ZNF142: variants seen among roughly 807,000 people sequenced by gnomAD.
The protein encoded by ZNF142 is zinc finger protein 142, also known as zinc finger protein 142 (clone pHZ-49).
ZNF142 carries 96 observed loss-of-function variants against 132.1 expected under a neutral mutation model. That is an observed-to-expected ratio of 0.73 (90% CI 0.62 to 0.86). ZNF142 has a LOEUF of 0.86. ZNF142 is among the 40% of genes least tolerant of loss of function. ZNF142 has a pLI of 0.00. For missense variants in ZNF142, 2,163 were observed against 2,336.2 expected, an observed-to-expected ratio of 0.93 and a Z score of 1.53; for synonymous variants, 842 against 890.1, an observed-to-expected ratio of 0.95 and a Z score of 0.96.
chr2:218,636,809 C>T lies in ZNF142; in HGVS notation c.*1530G>A. ...ATAAGCCTTTGGTATCTTTCCTGCCCTTTTCCTTTGTGTACTCTATACTGG... is the reference window on the plus strand; with the variant it reads ...ATAAGCCTTTGGTATCTTTCCTGCCTTTTTCCTTTGTGTACTCTATACTGG... On this transcript the variant is annotated 3_prime_UTR_variant, in exon 11 of 11. Coordinates refer to ENST00000411696, the MANE Select transcript of ZNF142 (RefSeq NM_001379659.1). 1.7e-6 allele frequency: 1 copy of T among 605,476 alleles called. No individual in the cohort carries two copies. The highest frequency in any genetic ancestry group is 2.3e-5 in the Admixed American group (1 of 43,708). 37.5% of individuals were successfully genotyped at this position (605,476 alleles called of 1,614,324 possible). A position where few individuals can be genotyped will look rare whatever the true frequency, so the allele number is the denominator to read the frequency against.
chr2:218,640,779 G>GC lies in ZNF142; in HGVS notation c.5089-11dup, dbSNP rs1697118245. 1 of 1,612,408 alleles carries GC rather than the reference G, an allele frequency of 6.2e-7. No individual in the cohort carries two copies. The highest frequency in any genetic ancestry group is 1.3e-5 in the African/African-American group (1 of 74,892). The stretch of plus-strand genomic sequence containing the variant: ...GGATCCGCATGTGGTACTGGAAGAG[G>GC]CAAGAGCAAAAAGCAGAAAATATAG... On this transcript the variant is annotated splice_polypyrimidine_tract_variant and intron_variant, in intron 9 of 10. Transcript: ENST00000411696.
In ZNF142 at chr2:218,636,418, C is replaced by A; in HGVS notation, c.*1921G>T. ...GTGAGCCAGCCCCTTTGGCCCCTGG[C>A]CAATACCCCAGCTCTGGCTGCCTTC... is the stretch of plus-strand genomic sequence containing the variant. On this transcript the variant is annotated 3_prime_UTR_variant, in exon 11 of 11. Transcript: ENST00000411696. 2 of 1,614,006 alleles carry A rather than the reference C, an allele frequency of 1.2e-6. No homozygotes were observed. Among genetic ancestry groups the A allele is most frequent in the Non-Finnish European group, 8.5e-7 (1 of 1,179,870 alleles).
Position 218,636,513 on chromosome 2 carries a change from T to C in ZNF142, c.*1826A>G. On this transcript the variant is annotated 3_prime_UTR_variant, in exon 11 of 11. Transcript: ENST00000411696. ...CTGCTGTCCAAAGATGGCATCAGCC[T>C]CCGCCCAGCTTCCATCTTTGTGTAT... The C allele has an allele frequency of 6.2e-7, 1 of 1,613,980 alleles. No individual in the cohort carries two copies. The highest frequency in any genetic ancestry group is 1.1e-5 in the South Asian group (1 of 91,074).
chr2:218,638,542 A>G lies in ZNF142; in HGVS notation c.5461T>C (p.Phe1821Leu). 1 of 1,610,716 alleles carries G rather than the reference A, an allele frequency of 6.2e-7. No homozygotes were observed. The highest frequency in any genetic ancestry group is 8.5e-7 in the Non-Finnish European group (1 of 1,177,450). Residue 1821 changes from phenylalanine (F) to leucine (L), a missense_variant, in exon 11 of 11, where the codon TTC becomes CTC. This residue lies in a region of ZNF142 where 325 missense variants were observed against 367.8 expected (regional missense o/e 0.88). Transcript: ENST00000411696. ...TTGTAGTTGCAGAGGCGGCAAAAGA[A>G]GGGGTGGCGGTCGGTGTGGGTGAGG... Reference protein sequence around the residue: ...HALTHTDRHPFFCRLCNYKAK... With the variant: ...HALTHTDRHPLFCRLCNYKAK...
chr2:218,655,627 C>T (rs1202568359), intron 4 of ZNF142, among the ~76,000 whole-genome samples: 1 of 152,102 alleles, frequency 6.6e-6, no homozygotes, highest in African/African-American at 2.4e-5. Context: ...GTAGCTGAGA[C>T]TACAGGTGCA....
intron 10 of ZNF142, among the ~76,000 whole-genome samples, chr2:218,639,578 A>C (rs1346678566): frequency 1.3e-5 from 2 of 152,076 alleles, no homozygotes; most frequent in African/African-American, 2.4e-5. Flanking sequence ...CTGTCTACAA[A>C]AAAATTAGGT....
chr2:218,649,572 A>T, intron 6 of ZNF142, 113 bp from the exon 7 acceptor site: 2 of 1,026,044 alleles, frequency 1.9e-6, no homozygotes. Flanking sequence ...CTCTGCAGGA[A>T]ACCAAGCAAA....
Position 218,634,643 on chromosome 2 carries a change from T to TA in ZNF142, c.*3695dup. 1 of 1,611,598 alleles carries TA rather than the reference T, an allele frequency of 6.2e-7. No individual in the cohort carries two copies. The highest frequency in any genetic ancestry group is 1.3e-5 in the African/African-American group (1 of 74,866). ...TCTCTTAATCCAGGTACAGTGGAAA[T>TA]AAACTGTTGGGAAGAAACTGAGATA... On this transcript the variant is annotated 3_prime_UTR_variant, in exon 11 of 11. Transcript: ENST00000411696. This position sits in a 1 kb window ranked among gnomAD's most constrained non-coding sequence, Gnocchi z 4.0.
intron 4 of ZNF142, 30 bp from the exon 5 acceptor site, chr2:218,652,330 A>G: frequency 4.4e-6 from 2 of 456,594 alleles, no homozygotes; most frequent in South Asian, 3.1e-5. Flanking sequence ...AGAGAAAGGC[A>G]TAGAATCAGA....
intron 10 of ZNF142, among the ~76,000 whole-genome samples, chr2:218,640,463 C>T (rs571112388): frequency 2.6e-5 from 4 of 152,208 alleles, no homozygotes; most frequent in Non-Finnish European, 5.9e-5. Context: ...TATGCCCAGG[C>T]TCTCAGGTTT....
At chr2:218,647,117 A>G (rs1268044623) in intron 7 of ZNF142, among the ~76,000 whole-genome samples, 1 of 152,074 alleles carries the variant, frequency 6.6e-6, no homozygotes, top group Non-Finnish European at 1.5e-5. Context: ...TCTTCTGAGC[A>G]CTTTGTAAAA....
At chr2:218,639,305 T>A (rs1380983903) in intron 10 of ZNF142, among the ~76,000 whole-genome samples, 3 of 152,212 alleles carry the variant, frequency 2.0e-5, no homozygotes, top group Admixed American at 6.5e-5. Flanking sequence ...CAACACAGCG[T>A]CCTTGTACAT....
chr2:218,640,760 G>A lies in ZNF142; in HGVS notation c.5098C>T (p.Arg1700Trp), dbSNP rs367658234. The change falls in exon 10 of 11, where the codon CGG becomes TGG. Residue 1700 changes from arginine (R) to tryptophan (W), a missense_variant. Around this residue, in one of 7 missense-constraint regions of ZNF142, gnomAD observed 325 missense variants for 367.8 expected, o/e 0.88. Transcript: ENST00000411696. The stretch of plus-strand genomic sequence containing the variant: ...TACTTCCGTTCCTCCTTGTGGATCC[G>A]CATGTGGTACTGGAAGAGGCAAGAG... ...ADPSRLKYHM[R>W]IHKEERKYLC... The A allele has an allele frequency of 4.2e-5, 68 of 1,613,886 alleles. No homozygotes were observed. The highest frequency in any genetic ancestry group is 5.3e-5 in the African/African-American group (4 of 74,900).
chr2:218,653,172 C>T (rs918500829), intron 4 of ZNF142, among the ~76,000 whole-genome samples: 2 of 151,730 alleles, frequency 1.3e-5, no homozygotes, highest in East Asian at 3.9e-4. Flanking sequence ...CCCAGCTACT[C>T]AGGAGGCTGA....
At chr2:218,658,593 C>T (rs1269008232) in intron 3 of ZNF142, 108 bp downstream of exon 3, 3 of 152,154 alleles carry the variant, frequency 2.0e-5, no homozygotes, top group Non-Finnish European at 4.4e-5. Flanking sequence ...GTCCCTATTT[C>T]CAGAATCCCA....
At position 218,644,193 on chromosome 2, in the gene ZNF142, C is replaced by G. The variant is rs371015631; in HGVS notation, c.2923G>C (p.Ala975Pro). ...AAGGTTCCTACCCAGTTGTTAGGAG[C>G]CTCCTCTAAGGATGGAGGATTTGTG... ...PSTNPPSLEEAPNNWVGTFKT... is the reference protein window; with the variant it reads ...PSTNPPSLEEPPNNWVGTFKT... Residue 975 changes from alanine to proline, a missense_variant, in exon 9 of 11, where the codon GCT (alanine) becomes CCT (proline). Coordinates refer to ENST00000411696, the MANE Select transcript of ZNF142 (RefSeq NM_001379659.1). This position sits in a 1 kb window ranked among gnomAD's most constrained non-coding sequence, Gnocchi z 4.6. 1.6e-4 allele frequency: 252 copies of G among 1,613,982 alleles called. No homozygotes were observed. The highest frequency in any genetic ancestry group is 2.1e-4 in the Non-Finnish European group (247 of 1,180,010).
intron 10 of ZNF142, 35 bp from the exon 11 acceptor site, chr2:218,638,843 G>T: frequency 1.3e-6 from 2 of 1,512,438 alleles, no homozygotes; most frequent in South Asian, 1.2e-5. Context: ...ATTGAAAGGC[G>T]GTGGAGCAAG....
intron 3 of ZNF142, among the ~76,000 whole-genome samples, chr2:218,657,434 G>A (rs1036406090): frequency 2.0e-5 from 3 of 152,026 alleles, no homozygotes; most frequent in Non-Finnish European, 4.4e-5. Context: ...AAGGCCTCCT[G>A]ACATTCTTTT....
chr2:218,641,547 A>AT (rs910874122), intron 9 of ZNF142, among the ~76,000 whole-genome samples: 29 of 144,688 alleles, frequency 2.0e-4, no homozygotes, highest in East Asian at 1.0e-3. Context: ...CCCAGCCTCA[A>AT]TTTTTTTTTT....
Sources: gnomAD v4.1 joint callset for allele counts (sites outside exome capture counted in the v4.1 genomes callset) on GRCh38, gnomAD v4.1.1 for gene constraint, gnomAD v4.1.1 regional missense constraint, Gnocchi (gnomAD v3.1) non-coding constraint, MANE v1.5 for transcripts, NCBI Gene and HGNC (gene_info 2026-07-23, HGNC 2026-07-21) for gene names.